PRAG1: variants seen among roughly 807,000 people sequenced by gnomAD.
PRAG1 encodes the protein inactive tyrosine-protein kinase PRAG1.
Under a neutral mutation model 95.6 loss-of-function variants are expected in PRAG1, and 110 were observed. The ratio of observed to expected loss-of-function variants is 1.15; its 90% confidence interval spans 0.99 to 1.35. The LOEUF is 1.35. Among genes scored for constraint, PRAG1 ranks in the 40% most tolerant of loss-of-function variants. The pLI is 0.00. For synonymous variants in PRAG1, 1,052 were observed against 819.4 expected (o/e 1.28, Z -4.85); for missense variants, 2,554 against 1,864.7 (o/e 1.37, Z -6.81).
At chr8:8,345,339 T>C (rs1334198382) in intron 3 of PRAG1, among the ~76,000 whole-genome samples, 1 of 119,294 alleles carries the variant, frequency 8.4e-6, no homozygotes, top group Non-Finnish European at 1.7e-5. Flanking sequence ...GATACCAGCC[T>C]AAGCAACATA....
intron 3 of PRAG1, chr8:8,374,615 G>C (rs973274241): frequency 2.9e-5 from 28 of 968,540 alleles, no homozygotes; most frequent in Middle Eastern, 5.2e-4. Context: ...TCCATCCCTG[G>C]CCCATAGTGA....
chr8:8,359,507 T>C (rs1799781975), intron 3 of PRAG1, among the ~76,000 whole-genome samples: 1 of 152,236 alleles, frequency 6.6e-6, no homozygotes, highest in South Asian at 2.1e-4. Flanking sequence ...GACTATCTGA[T>C]TGATAGCTCT....
intron 2 of PRAG1, among the ~76,000 whole-genome samples, chr8:8,379,475 AG>A (rs779895083): frequency 2.0e-5 from 3 of 152,186 alleles, no homozygotes; most frequent in Non-Finnish European, 4.4e-5. Flanking sequence ...GAAGGTATTG[AG>A]AATGGCCTGG....
In PRAG1 at chr8:8,376,471, C is replaced by A; in HGVS notation, c.1938G>T (p.Glu646Asp). The change falls in exon 3 of 6, where the codon GAG becomes GAT. Residue 646 changes from glutamate (E) to aspartate (D), a missense_variant. Transcript: ENST00000615670. The stretch of plus-strand genomic sequence containing the variant: ...CCCAGCTGTGACTCAGCAATTCCTG[C>A]TCCACCTCCTCTTCTTCCTCTATCC... ...QCRIEEEEEV[E>D]QELLSHSWGR... 1.9e-6 allele frequency: 3 copies of A among 1,613,914 alleles called. No homozygotes were observed. Among genetic ancestry groups the A allele is most frequent in the Non-Finnish European group, 2.5e-6 (3 of 1,179,848 alleles).
intron 3 of PRAG1, among the ~76,000 whole-genome samples, chr8:8,365,258 A>C (rs1366937676): frequency 1.3e-5 from 2 of 152,148 alleles, no homozygotes; most frequent in African/African-American, 4.8e-5. Flanking sequence ...TTTCATTGTT[A>C]AACTATCCCT....
At chr8:8,339,705 C>T in intron 3 of PRAG1, 70 bp from the exon 4 acceptor site, 2 of 1,472,676 alleles carry the variant, frequency 1.4e-6, no homozygotes, top group Non-Finnish European at 1.9e-6. Flanking sequence ...GCTGATGGAT[C>T]ATGAACTTAC....
At chr8:8,343,609 T>C (rs1339110270) in intron 3 of PRAG1, among the ~76,000 whole-genome samples, 1 of 152,192 alleles carries the variant, frequency 6.6e-6, no homozygotes, top group Admixed American at 6.5e-5. Context: ...GGTCATGGTT[T>C]TTAAAAAAGG....
intron 2 of PRAG1, among the ~76,000 whole-genome samples, chr8:8,380,765 A>T (rs1379254951): frequency 2.0e-5 from 3 of 150,756 alleles, no homozygotes; most frequent in African/African-American, 7.4e-5. Context: ...AGGCAGGAGA[A>T]TCGCTTGAAC....
At chr8:8,368,003 G>T (rs1307331676) in intron 3 of PRAG1, among the ~76,000 whole-genome samples, 1 of 152,124 alleles carries the variant, frequency 6.6e-6, no homozygotes, top group African/African-American at 2.4e-5. Flanking sequence ...AAGAGCAGAA[G>T]CTATTCTGAA....
At chr8:8,343,647 T>C (rs1164523872) in intron 3 of PRAG1, among the ~76,000 whole-genome samples, 1 of 152,212 alleles carries the variant, frequency 6.6e-6, no homozygotes, top group Non-Finnish European at 1.5e-5. Context: ...AGAATATGAG[T>C]CAACAAACTT....
intron 3 of PRAG1, among the ~76,000 whole-genome samples, chr8:8,371,444 T>G (rs1269767351): frequency 1.3e-5 from 2 of 151,886 alleles, no homozygotes. Context: ...GTATTTTTAG[T>G]AGAGAGGGGT....
At chr8:8,364,689 T>C (rs533751452) in intron 3 of PRAG1, among the ~76,000 whole-genome samples, 11 of 152,072 alleles carry the variant, frequency 7.2e-5, no homozygotes, top group South Asian at 2.1e-4. Flanking sequence ...GTTTTCTCCA[T>C]ACAGTCAACA....
At chr8:8,335,468 A>G (rs948969792) in intron 4 of PRAG1, among the ~76,000 whole-genome samples, 4 of 152,174 alleles carry the variant, frequency 2.6e-5, no homozygotes, top group Non-Finnish European at 5.9e-5. Flanking sequence ...AAAATCTTAA[A>G]AGTGATGGTA....
chr8:8,353,497 C>T (rs1298693204), intron 3 of PRAG1, among the ~76,000 whole-genome samples: 1 of 151,890 alleles, frequency 6.6e-6, no homozygotes, highest in African/African-American at 2.4e-5. Flanking sequence ...AAAAAATTAT[C>T]TTGAGAAAAA....
At chr8:8,333,810 C>T (rs1254857441) in intron 4 of PRAG1, among the ~76,000 whole-genome samples, 1 of 152,214 alleles carries the variant, frequency 6.6e-6, no homozygotes, top group Non-Finnish European at 1.5e-5. Flanking sequence ...TTTGACCATT[C>T]TCCAACTTTG....
chr8:8,371,671 A>C (rs995450203), intron 3 of PRAG1, among the ~76,000 whole-genome samples: 2 of 152,056 alleles, frequency 1.3e-5, no homozygotes, highest in Non-Finnish European at 2.9e-5. Flanking sequence ...GGAGTTCGAG[A>C]CCAGCCTGGG....
rs201020108 is a variant in PRAG1, at chr8:8,376,340, C to T, written c.2069G>A (p.Gly690Glu). 6.2e-7 allele frequency: 1 copy of T among 1,614,062 alleles called. No homozygotes were observed. The highest frequency in any genetic ancestry group is 8.5e-7 in the Non-Finnish European group (1 of 1,180,052). Reference sequence around the variant, plus strand: ...GGCAAAAGAGGCGGATTTGCTCATCCCGGTCCCAACTTTGCTGTTCTGCCC... The same window carrying T: ...GGCAAAAGAGGCGGATTTGCTCATCTCGGTCCCAACTTTGCTGTTCTGCCC... ...SSGQNSKVGT[G>E]MSKSASFAFE... The change falls in exon 3 of 6, where the codon GGG becomes GAG. Residue 690 changes from glycine to glutamate, a missense_variant. By Grantham distance (98) the Gly-to-Glu change is moderately conservative (BLOSUM62 -2). Transcript: ENST00000615670.
At chr8:8,354,913 G>C (rs1171129408) in intron 3 of PRAG1, among the ~76,000 whole-genome samples, 2 of 151,954 alleles carry the variant, frequency 1.3e-5, no homozygotes, top group Non-Finnish European at 2.9e-5. Context: ...TTGTACTGGA[G>C]GTACTAGCAA....
intron 3 of PRAG1, among the ~76,000 whole-genome samples, chr8:8,373,454 A>ATTGTTTTTTTTTTTTTTTTTTTTTTT (rs1470559658): frequency 7.2e-6 from 1 of 138,342 alleles, no homozygotes; most frequent in Non-Finnish European, 1.6e-5. Context: ...TATTTTCTAG[A>ATTGTTTTTTTTTTTTTTTTTTTTTTT]TTTTTTTTTT....
Sources: gnomAD v4.1 joint callset for allele counts (sites outside exome capture counted in the v4.1 genomes callset) on GRCh38, gnomAD v4.1.1 for gene constraint, MANE v1.5 for transcripts, NCBI Gene and HGNC (gene_info 2026-07-23, HGNC 2026-07-21) for gene names.